The following NBAS variants were observed in gnomAD, a reference collection of about 807,000 sequenced individuals.
NBAS encodes NAG/BC035112 fusion.
In NBAS, 219 loss-of-function variants were observed where a neutral mutation model predicts 302.5. The observed-to-expected ratio is 0.72, with a 90% CI of 0.65 to 0.81. The LOEUF (loss-of-function observed/expected upper bound fraction) is 0.81. Ranked by LOEUF, NBAS falls within the 30% of genes least tolerant of loss-of-function variation. The pLI is 0.00. For missense variants in NBAS, 2,932 were observed against 2,841.6 expected (o/e 1.03, Z -0.72); for synonymous variants, 1,118 against 1,021.6 (o/e 1.09, Z -1.80).
intron 11 of NBAS, 123 bp downstream of exon 11, chr2:15,504,022 G>GTGTA: frequency 3.9e-6 from 3 of 766,024 alleles, no homozygotes; most frequent in Non-Finnish European, 7.1e-6. Flanking sequence ...TAGCCACATA[G>GTGTA]TGTATATGAA....
chr2:15,448,234 A>C (rs1678843874), intron 21 of NBAS, among the ~76,000 whole-genome samples: 1 of 152,214 alleles, frequency 6.6e-6, no homozygotes, highest in African/African-American at 2.4e-5. Flanking sequence ...GCGTACCTAA[A>C]ATTAAAAGAC....
the NBAS span, among the ~76,000 whole-genome samples, chr2:15,148,911 C>T: frequency 6.6e-6 from 1 of 152,144 alleles, no homozygotes; most frequent in Non-Finnish European, 1.5e-5. Context: ...CTTTATTAGG[C>T]TTTCGACATT....
At chr2:15,183,351 C>T (rs538743723) in intron 50 of NBAS, among the ~76,000 whole-genome samples, 11 of 152,202 alleles carry the variant, frequency 7.2e-5, no homozygotes, top group Admixed American at 6.5e-5. Flanking sequence ...TTAAGGAAAA[C>T]GATGGAAAGT....
At chr2:14,995,433 C>A in the NBAS span, among the ~76,000 whole-genome samples, 7 of 152,332 alleles carry the variant, frequency 4.6e-5, no homozygotes, top group South Asian at 8.3e-4. Flanking sequence ...TGAGAAGCAG[C>A]CATATGTGGA....
the NBAS span, among the ~76,000 whole-genome samples, chr2:14,786,975 C>T: frequency 6.6e-6 from 1 of 152,130 alleles, no homozygotes; most frequent in Admixed American, 6.6e-5. Flanking sequence ...TTGTAGGTCA[C>T]TCAGGACTTG....
the NBAS span, among the ~76,000 whole-genome samples, chr2:14,849,833 C>A: frequency 7.2e-6 from 1 of 138,636 alleles, no homozygotes; most frequent in Non-Finnish European, 1.5e-5. Flanking sequence ...CCAAACTAAG[C>A]TTCATAAGTG....
At chr2:15,513,566 A>G (rs1572952646) in intron 9 of NBAS, among the ~76,000 whole-genome samples, 2 of 152,178 alleles carry the variant, frequency 1.3e-5, no homozygotes. Context: ...TGCAATCAAC[A>G]AAAACTAGAC....
chr2:15,366,448 A>G (rs919588100), intron 32 of NBAS, 132 bp downstream of exon 32: 3 of 854,584 alleles, frequency 3.5e-6, no homozygotes, highest in Non-Finnish European at 5.8e-6. Flanking sequence ...AGCCTGAGCA[A>G]CAGAGCGAGA....
chr2:15,219,019 C>T (rs746905346), intron 47 of NBAS, 51 bp from the exon 48 acceptor site: 11 of 1,599,650 alleles, frequency 6.9e-6, no homozygotes, highest in African/African-American at 1.3e-5. Context: ...CTTTTATTTT[C>T]CCCCTTCCGG....
chr2:14,866,754 C>T, the NBAS span, among the ~76,000 whole-genome samples: 1 of 152,192 alleles, frequency 6.6e-6, no homozygotes, highest in Admixed American at 6.5e-5. Flanking sequence ...CTTGAGACAT[C>T]AGGATCATTC....
At chr2:15,474,807 C>A (rs572271090) in intron 14 of NBAS, among the ~76,000 whole-genome samples, 1 of 152,154 alleles carries the variant, frequency 6.6e-6, no homozygotes, top group Non-Finnish European at 1.5e-5. Context: ...TTGATCCACC[C>A]GCCTTGGCCT....
chr2:14,971,713 A>G, the NBAS span, among the ~76,000 whole-genome samples: 1 of 152,150 alleles, frequency 6.6e-6, no homozygotes, highest in Non-Finnish European at 1.5e-5. Context: ...CCACACTGAG[A>G]TGATGTTGGG....
At chr2:15,106,106 A>G in the NBAS span, among the ~76,000 whole-genome samples, 2 of 152,174 alleles carry the variant, frequency 1.3e-5, no homozygotes, top group Non-Finnish European at 2.9e-5. Context: ...CCAATGCACA[A>G]AATATTAACA....
rs540995522 is a variant in NBAS, at chr2:15,412,950, C to T, written c.2937+2596G>A. ...CAATCCAAAACTACAAGAGCCTAAC[C>T]GTAACTCCAAGATTACAAAGCCCTA... is the stretch of plus-strand genomic sequence containing the variant. On this transcript the variant is annotated intron_variant, in intron 25 of 51. Coordinates refer to ENST00000281513, the MANE Select transcript of NBAS (RefSeq NM_015909.4). 1.1e-4 allele frequency among the ~76,000 whole-genome samples: 16 copies of T among 152,300 alleles called. 1 individual carries two copies. In the South Asian group the frequency reaches 1.9e-3, roughly 18 times the overall value.
At chr2:15,286,775 T>C (rs1558503952) in intron 42 of NBAS, among the ~76,000 whole-genome samples, 1 of 152,240 alleles carries the variant, frequency 6.6e-6, no homozygotes, top group East Asian at 1.9e-4. Flanking sequence ...ATCTGTCTCC[T>C]ACTGTAAGCT....
In NBAS at chr2:15,473,306, A is replaced by G. The variant is rs999327204; in HGVS notation, c.1641T>C (p.His547=). The change falls in exon 16 of 52, where the codon CAT becomes CAC. Residue 547 remains histidine, a synonymous_variant. Coordinates refer to ENST00000281513, the MANE Select transcript of NBAS (RefSeq NM_015909.4). ...CAAGGTCAGTATCCAGGCCGTAGGT[A>G]TGAGCCAAGGACAAGGCTTCCTCAT... ...EEYEEALSLA[H]TYGLDTDLVY... The G allele has an allele frequency of 6.2e-7, 1 of 1,614,114 alleles. No individual in the cohort carries two copies. The highest frequency in any genetic ancestry group is 8.5e-7 in the Non-Finnish European group (1 of 1,179,950).
At chr2:14,891,908 A>C in the NBAS span, among the ~76,000 whole-genome samples, 1 of 152,236 alleles carries the variant, frequency 6.6e-6, no homozygotes, top group Non-Finnish European at 1.5e-5. Flanking sequence ...TAGGAAAAGC[A>C]CTGGGCTTGT....
chr2:14,862,010 T>TA, the NBAS span, among the ~76,000 whole-genome samples: 1 of 152,204 alleles, frequency 6.6e-6, no homozygotes, highest in Non-Finnish European at 1.5e-5. Context: ...GGGTCAGTGA[T>TA]AAATGCCTAA....
At chr2:15,065,213 G>C in the NBAS span, among the ~76,000 whole-genome samples, 1 of 151,998 alleles carries the variant, frequency 6.6e-6, no homozygotes, top group Non-Finnish European at 1.5e-5. Context: ...TTATGTTAAT[G>C]ATATCTCAAT....
Sources: allele counts gnomAD v4.1 joint callset (sites outside exome capture counted in the v4.1 genomes callset), GRCh38; gene constraint gnomAD v4.1.1; transcripts MANE v1.5; gene names NCBI Gene and HGNC (gene_info 2026-07-23, HGNC 2026-07-21).